LYST: variants seen among roughly 807,000 people sequenced by gnomAD.
LYST encodes the protein lysosomal-trafficking regulator.
A neutral mutation model predicts 413.6 loss-of-function variants in LYST; 192 were observed. That is an observed-to-expected ratio of 0.46 (90% CI 0.41 to 0.52). LYST has a LOEUF of 0.52. Ranked by LOEUF, LYST falls within the 20% of genes least tolerant of loss-of-function variation. LYST has a pLI of 0.00. For missense variants in LYST, 3,815 were observed against 4,499.9 expected, an observed-to-expected ratio of 0.85 and a Z score of 4.35; for synonymous variants, 1,525 against 1,567.3, an observed-to-expected ratio of 0.97 and a Z score of 0.64.
chr1:235,774,936 T>G lies in LYST; in HGVS notation c.5611A>C (p.Ile1871Leu), dbSNP rs375913409. ...IHQVLIKQKCIVGFYILKTLL... is the reference protein window; with the variant it reads ...IHQVLIKQKCLVGFYILKTLL... ...ACCTTCAAAATGTAAAACCCAACAA[T>G]GCATTTTTGTTTGATCAACACCTGA... is the stretch of plus-strand genomic sequence containing the variant. The change falls in exon 18 of 53, where the codon ATT becomes CTT. Residue 1871 changes from isoleucine (I) to leucine (L), a missense_variant. Transcript: ENST00000389793. The G allele has an allele frequency of 1.7e-5, 28 of 1,609,792 alleles. No individual in the cohort carries two copies. The highest frequency in any genetic ancestry group is 2.1e-5 in the Non-Finnish European group (25 of 1,178,098).
intron 1 of LYST, among the ~76,000 whole-genome samples, chr1:235,861,928 A>C (rs1045705925): frequency 2.0e-5 from 3 of 152,236 alleles, no homozygotes; most frequent in Non-Finnish European, 4.4e-5. Flanking sequence ...CTGAAACAAA[A>C]CAATTAGGCT....
intron 3 of LYST, among the ~76,000 whole-genome samples, chr1:235,824,691 T>A (rs1424036204): frequency 6.6e-6 from 1 of 152,186 alleles, no homozygotes; most frequent in African/African-American, 2.4e-5. Context: ...TATAATAAAT[T>A]ATGAACAAAA....
chr1:235,701,524 A>G (rs1023955390), intron 45 of LYST, among the ~76,000 whole-genome samples: 1 of 152,100 alleles, frequency 6.6e-6, no homozygotes, highest in Non-Finnish European at 1.5e-5. Context: ...GCTACTCGGG[A>G]GGCTGAGGCA....
chr1:235,701,645 T>A (rs1175731706), intron 45 of LYST, among the ~76,000 whole-genome samples: 1 of 152,022 alleles, frequency 6.6e-6, no homozygotes, highest in Non-Finnish European at 1.5e-5. Flanking sequence ...AATCAATCAA[T>A]CAATCAAGTG....
chr1:235,693,118 A>T (rs1221879091), intron 47 of LYST, among the ~76,000 whole-genome samples: 1 of 152,122 alleles, frequency 6.6e-6, no homozygotes, highest in South Asian at 2.1e-4. Context: ...GATCGAGACC[A>T]TCCTTGCTAA....
intron 16 of LYST, among the ~76,000 whole-genome samples, chr1:235,777,754 G>C (rs911206722): frequency 2.6e-5 from 4 of 152,040 alleles, no homozygotes; most frequent in African/African-American, 9.7e-5. Context: ...CTCTAAACTA[G>C]ATCTTTCTAC....
chr1:235,777,253 T>C lies in LYST; in HGVS notation c.5270A>G (p.Glu1757Gly). 1 of 1,612,576 alleles carries C rather than the reference T, an allele frequency of 6.2e-7. No individual in the cohort carries two copies. The highest frequency in any genetic ancestry group is 2.2e-5 in the East Asian group (1 of 44,786). Residue 1757 changes from glutamate (E) to glycine (G), a missense_variant, in exon 17 of 53, where the codon GAA becomes GGA. Physicochemically the swap from Glu to Gly is moderately conservative, Grantham distance 98 (BLOSUM62 -2). This residue lies in a region of LYST where 530 missense variants were observed against 696.5 expected (regional missense o/e 0.76). Coordinates refer to ENST00000389793, the MANE Select transcript of LYST (RefSeq NM_000081.4). ...TTGACCTTTAAGTCTAATCACTGGT[T>C]CATAGATGGTATACTGAGCAGGACA... ...TYCPAQYTIY[E>G]PVIRLKGQMK...
chr1:235,684,982 T>C (rs944789469), intron 48 of LYST, among the ~76,000 whole-genome samples: 4 of 152,122 alleles, frequency 2.6e-5, no homozygotes, highest in Admixed American at 6.6e-5. Context: ...ATCACTGGCC[T>C]CAATCTTTTC....
At chr1:235,722,076 T>A (rs1219749355) in intron 39 of LYST, among the ~76,000 whole-genome samples, 1 of 152,144 alleles carries the variant, frequency 6.6e-6, no homozygotes, top group Non-Finnish European at 1.5e-5. Context: ...AGCAAATCAT[T>A]AGGATTTCTA....
chr1:235,682,227 A>C (rs895540212), intron 48 of LYST, among the ~76,000 whole-genome samples: 1 of 152,104 alleles, frequency 6.6e-6, no homozygotes, highest in Non-Finnish European at 1.5e-5. Flanking sequence ...GATGGGGCTG[A>C]GGTGGGAGGA....
At chr1:235,754,003 T>C (rs1666738984) in intron 25 of LYST, among the ~76,000 whole-genome samples, 2 of 152,026 alleles carry the variant, frequency 1.3e-5, no homozygotes. Flanking sequence ...GCCAAACTTT[T>C]GGTTTGGGAG....
At chr1:235,779,500 C>A (rs1359628203) in intron 16 of LYST, among the ~76,000 whole-genome samples, 1 of 152,188 alleles carries the variant, frequency 6.6e-6, no homozygotes, top group Non-Finnish European at 1.5e-5. Flanking sequence ...TCAGCATCAC[C>A]TAGGAACTTC....
rs757381951 is a variant in LYST at position 235,809,011 on chromosome 1, C to A, written c.1807G>T (p.Ala603Ser). The A allele has an allele frequency of 7.4e-6, 12 of 1,613,854 alleles. 1 individual carries two copies. The Middle Eastern group carries it at 4.9e-4, about 66-fold the overall frequency. ...ATATGCTGCTGAAAATTTTTCAGTGCTGGCAATTTAAAAGCATGGAGCAAA... is the reference window on the plus strand; with the variant it reads ...ATATGCTGCTGAAAATTTTTCAGTGATGGCAATTTAAAAGCATGGAGCAAA... ...IPLLHAFKLP[A>S]LKNFQQHILN... Residue 603 changes from alanine (A) to serine (S), a missense_variant, in exon 5 of 53, where the codon GCA becomes TCA. This residue lies in a region of LYST where 1,648 missense variants were observed against 1,810.3 expected (regional missense o/e 0.91). Coordinates refer to ENST00000389793, the MANE Select transcript of LYST (RefSeq NM_000081.4). This position sits in a 1 kb window ranked among gnomAD's most constrained non-coding sequence, Gnocchi z 4.0.
At chr1:235,785,641 C>G (rs1051696476) in intron 14 of LYST, among the ~76,000 whole-genome samples, 1 of 152,178 alleles carries the variant, frequency 6.6e-6, no homozygotes, top group Admixed American at 6.5e-5. Flanking sequence ...TTGATTAAAT[C>G]TAGACTTCTC....
chr1:235,869,042 A>G (rs779915839), upstream of LYST, among the ~76,000 whole-genome samples: 12 of 152,198 alleles, frequency 7.9e-5, no homozygotes, highest in Non-Finnish European at 1.3e-4. Context: ...ATTTTATTCA[A>G]TAGTATCTTA....
chr1:235,840,640 C>CT (rs1484681516), intron 1 of LYST, among the ~76,000 whole-genome samples: 1 of 152,112 alleles, frequency 6.6e-6, no homozygotes, highest in African/African-American at 2.4e-5. Flanking sequence ...AGACTCACTG[C>CT]TACAGGTGAC....
At chr1:235,731,207 A>T in intron 34 of LYST, 30 bp from the exon 35 acceptor site, 1 of 1,608,700 alleles carries the variant, frequency 6.2e-7, no homozygotes. Flanking sequence ...AGGGTGTTTT[A>T]AGTGACCATC....
At chr1:235,876,010 C>A (rs1681116148) in intron 1 of LYST, among the ~76,000 whole-genome samples, 1 of 151,844 alleles carries the variant, frequency 6.6e-6, no homozygotes, top group African/African-American at 2.4e-5. Context: ...ACTAGAACCA[C>A]TCAGTAGTTT....
intron 29 of LYST, among the ~76,000 whole-genome samples, chr1:235,746,013 C>G (rs1665888436): frequency 6.6e-6 from 1 of 152,088 alleles, no homozygotes; most frequent in African/African-American, 2.4e-5. Flanking sequence ...CTGCAAGATT[C>G]ATGGGGGAAA....
Sources: gnomAD v4.1 joint callset for allele counts (sites outside exome capture counted in the v4.1 genomes callset) on GRCh38, gnomAD v4.1.1 for gene constraint, gnomAD v4.1.1 regional missense constraint, Gnocchi (gnomAD v3.1) non-coding constraint, MANE v1.5 for transcripts, NCBI Gene and HGNC (gene_info 2026-07-23, HGNC 2026-07-21) for gene names.